Variants in ATRNL1 observed in about 807,000 individuals in gnomAD.
The protein encoded by ATRNL1 is attractin-like protein 1.
ATRNL1 carries 95 observed loss-of-function variants against 182.7 expected under a neutral mutation model. That is an observed-to-expected ratio of 0.52 (90% confidence interval 0.44 to 0.62). ATRNL1 has a LOEUF of 0.62. Ranked by LOEUF, ATRNL1 falls within the 20% of genes least tolerant of loss-of-function variation. The pLI, the probability that ATRNL1 is intolerant of heterozygous loss-of-function variation, is 0.00. For synonymous variants in ATRNL1, 576 were observed against 568.3 expected, an observed-to-expected ratio of 1.01 and a Z score of -0.19; for missense variants, 1,471 against 1,679.5, an observed-to-expected ratio of 0.88 and a Z score of 2.17.
intron 26 of ATRNL1, among the ~76,000 whole-genome samples, chr10:115,630,176 GA>G (rs1257621923): frequency 6.6e-6 from 1 of 151,528 alleles, no homozygotes; most frequent in African/African-American, 2.4e-5. Flanking sequence ...CAACTTAGTA[GA>G]AAAAAAATTT....
chr10:115,731,524 A>C (rs1947797029), intron 27 of ATRNL1, among the ~76,000 whole-genome samples: 1 of 151,840 alleles, frequency 6.6e-6, no homozygotes, highest in Non-Finnish European at 1.5e-5. Context: ...ATTACATGTA[A>C]ATTCTCGTTT....
At chr10:115,714,321 G>A (rs1242033920) in intron 26 of ATRNL1, among the ~76,000 whole-genome samples, 2 of 132,822 alleles carry the variant, frequency 1.5e-5, no homozygotes, top group African/African-American at 5.2e-5. Flanking sequence ...TGAATTTATT[G>A]GGTGAAAAGA....
At chr10:115,122,489 T>A (rs1261580008) in intron 3 of ATRNL1, among the ~76,000 whole-genome samples, 1 of 152,004 alleles carries the variant, frequency 6.6e-6, no homozygotes, top group African/African-American at 2.4e-5. Context: ...TGATTGTTGA[T>A]AAGTTACTCA....
At chr10:115,322,365 C>T (rs1395868353) in intron 18 of ATRNL1, among the ~76,000 whole-genome samples, 2 of 151,632 alleles carry the variant, frequency 1.3e-5, no homozygotes, top group Non-Finnish European at 2.9e-5. Flanking sequence ...TATTTGTTGC[C>T]ATGGCCCCAA....
intron 27 of ATRNL1, among the ~76,000 whole-genome samples, chr10:115,740,742 G>C (rs1593153145): frequency 6.6e-6 from 1 of 152,024 alleles, no homozygotes; most frequent in East Asian, 1.9e-4. Flanking sequence ...CTAACCTCAA[G>C]TGATCTACCT....
At chr10:115,629,625 G>T (rs1858349757) in intron 26 of ATRNL1, among the ~76,000 whole-genome samples, 1 of 152,166 alleles carries the variant, frequency 6.6e-6, no homozygotes, top group African/African-American at 2.4e-5. Flanking sequence ...AGCCATATTG[G>T]AGACTGCAGA....
chr10:115,464,117 A>C (rs967880507), intron 22 of ATRNL1, among the ~76,000 whole-genome samples: 8 of 152,008 alleles, frequency 5.3e-5, no homozygotes, highest in African/African-American at 1.9e-4. Context: ...TGAAGCCAAG[A>C]AACCAGAAAA....
At chr10:115,345,442 T>TA (rs1220608137) in intron 19 of ATRNL1, among the ~76,000 whole-genome samples, 1 of 152,164 alleles carries the variant, frequency 6.6e-6, no homozygotes, top group Non-Finnish European at 1.5e-5. Context: ...TGCCTAGAGA[T>TA]ACTTTCCTCC....
intron 27 of ATRNL1, among the ~76,000 whole-genome samples, chr10:115,805,385 A>G (rs1555085426): frequency 6.6e-6 from 1 of 152,170 alleles, no homozygotes; most frequent in Non-Finnish European, 1.5e-5. Context: ...CTGCAGGTCC[A>G]TTCTCTCTCT....
chr10:115,711,256 A>C (rs1555054453), intron 26 of ATRNL1, among the ~76,000 whole-genome samples: 1 of 152,180 alleles, frequency 6.6e-6, no homozygotes, highest in Non-Finnish European at 1.5e-5. Context: ...CCTGCCATGG[A>C]TAATACATTA....
At chr10:115,436,443 T>C (rs1846409095) in intron 21 of ATRNL1, among the ~76,000 whole-genome samples, 1 of 152,124 alleles carries the variant, frequency 6.6e-6, no homozygotes, top group Admixed American at 6.5e-5. Context: ...ATTAGTAGTT[T>C]TCAGAGTTTG....
At chr10:115,150,076 G>A (rs577587416) in intron 5 of ATRNL1, among the ~76,000 whole-genome samples, 13 of 151,966 alleles carry the variant, frequency 8.6e-5, no homozygotes, top group South Asian at 2.1e-4. Flanking sequence ...ATCTTAGTAG[G>A]ATGTATGTGT....
intron 20 of ATRNL1, among the ~76,000 whole-genome samples, chr10:115,395,818 ATTCTTT>A (rs1278529899): frequency 2.6e-5 from 4 of 151,746 alleles, no homozygotes; most frequent in Non-Finnish European, 4.4e-5. Context: ...ATTGTTTTTT[ATTCTTT>A]TTCTTGTTTA....
At chr10:115,095,142 G>A (rs2084978749) in intron 1 of ATRNL1, among the ~76,000 whole-genome samples, 1 of 152,092 alleles carries the variant, frequency 6.6e-6, no homozygotes, top group African/African-American at 2.4e-5. Flanking sequence ...GCAGGTAACA[G>A]TCATTAAGAA....
chr10:115,878,332 G>T lies in ATRNL1; in HGVS notation c.4018+30341G>T, dbSNP rs73381660. On this transcript the variant is annotated intron_variant, in intron 28 of 28. Coordinates refer to ENST00000355044, the MANE Select transcript of ATRNL1 (RefSeq NM_207303.4). Reference sequence around the variant, plus strand: ...ATAATTTACTTATTGCATGGCTTAGGCCAGAGAGAATGCCAGTAGGAAGAC... The same window carrying T: ...ATAATTTACTTATTGCATGGCTTAGTCCAGAGAGAATGCCAGTAGGAAGAC... Among the ~76,000 whole-genome samples, 499 of 152,286 alleles carry T rather than the reference G, an allele frequency of 3.3e-3. 1 individual carries two copies. Among genetic ancestry groups the T allele is most frequent in the African/African-American group, 0.011 (465 of 41,562 alleles).
chr10:115,394,878 T>G lies in ATRNL1; in HGVS notation c.3269+126T>G, dbSNP rs1179442124. 7.0e-6 allele frequency: 5 copies of G among 714,384 alleles called. No homozygotes were observed. The East Asian group carries it at 1.1e-4, about 16-fold the overall frequency. 44.3% of individuals were successfully genotyped at this position (714,384 alleles called of 1,614,324 possible). A position where few individuals can be genotyped will look rare whatever the true frequency, so the allele number is the denominator to read the frequency against. On this transcript the variant is annotated intron_variant, in intron 20 of 28. Coordinates refer to ENST00000355044, the MANE Select transcript of ATRNL1 (RefSeq NM_207303.4). Reference sequence around the variant, plus strand: ...ATACCTTTATTACAATTTTTAACTTTTATTTTAGATTTGAGGGTACATGTG... The same window carrying G: ...ATACCTTTATTACAATTTTTAACTTGTATTTTAGATTTGAGGGTACATGTG...
intron 26 of ATRNL1, among the ~76,000 whole-genome samples, chr10:115,611,064 T>TA (rs1555018849): frequency 2.6e-5 from 4 of 151,766 alleles, no homozygotes; most frequent in African/African-American, 9.7e-5. Flanking sequence ...CTTTTTTTTT[T>TA]ACTATATACC....
At chr10:115,541,289 T>TC (rs112337070) in intron 25 of ATRNL1, among the ~76,000 whole-genome samples, 4,205 of 152,202 alleles carry the variant, frequency 0.028, 223 homozygotes, top group African/African-American at 0.097. Flanking sequence ...CATCCAAGTG[T>TC]CCAACAAAAT....
rs868984970 is a variant in ATRNL1 at position 115,363,043 on chromosome 10, G to A, written c.3175+28624G>A. ...TCCTTTGGGTATATACCCAGTAATGGGATGGCTGGGTCAAATGGTATTTCT... is the reference window on the plus strand; with the variant it reads ...TCCTTTGGGTATATACCCAGTAATGAGATGGCTGGGTCAAATGGTATTTCT... On this transcript the variant is annotated intron_variant, in intron 19 of 28. Coordinates refer to ENST00000355044, the MANE Select transcript of ATRNL1 (RefSeq NM_207303.4). 4.8e-3 allele frequency among the ~76,000 whole-genome samples: 732 copies of A among 151,510 alleles called. 4 individuals carry two copies. The highest frequency in any genetic ancestry group is 0.016 in the African/African-American group (646 of 41,294).
Sources: allele counts gnomAD v4.1 joint callset (sites outside exome capture counted in the v4.1 genomes callset), GRCh38; gene constraint gnomAD v4.1.1; transcripts MANE v1.5; gene names NCBI Gene and HGNC (gene_info 2026-07-23, HGNC 2026-07-21).